STAU2: variants seen among roughly 807,000 people sequenced by gnomAD.
The protein encoded by STAU2 is double-stranded RNA-binding protein Staufen homolog 2.
In STAU2, 20 loss-of-function variants were observed where a neutral mutation model predicts 65.9. That is an observed-to-expected ratio of 0.30 (90% CI 0.21 to 0.44). The LOEUF is 0.44. STAU2 is among the 20% of genes least tolerant of loss of function. STAU2 has a pLI of 1.00. For synonymous variants in STAU2, 232 were observed against 233.9 expected, an observed-to-expected ratio of 0.99 and a Z score of 0.07; for missense variants, 558 against 683.9, an observed-to-expected ratio of 0.82 and a Z score of 2.05.
At chr8:73,572,739 G>T (rs1809202977) in intron 12 of STAU2, among the ~76,000 whole-genome samples, 1 of 152,126 alleles carries the variant, frequency 6.6e-6, no homozygotes, top group Non-Finnish European at 1.5e-5. Context: ...GTATTGATGG[G>T]ATGTATCTCA....
At chr8:73,657,803 C>T (rs1816495028) in intron 6 of STAU2, among the ~76,000 whole-genome samples, 1 of 151,994 alleles carries the variant, frequency 6.6e-6, no homozygotes, top group African/African-American at 2.4e-5. Flanking sequence ...CACCTGAGGT[C>T]AGGAGTTCAA....
intron 5 of STAU2, among the ~76,000 whole-genome samples, chr8:73,673,443 T>C (rs1453751377): frequency 6.6e-6 from 1 of 152,156 alleles, no homozygotes; most frequent in Non-Finnish European, 1.5e-5. Context: ...TTTTGCAATG[T>C]TTTCTGTACA....
chr8:73,577,927 G>A (rs763546327), intron 12 of STAU2, among the ~76,000 whole-genome samples: 39 of 151,848 alleles, frequency 2.6e-4, no homozygotes, highest in Non-Finnish European at 5.1e-4. Context: ...TGTGTCCTTT[G>A]CATATATTCA....
intron 3 of STAU2, among the ~76,000 whole-genome samples, chr8:73,721,287 CAAAAAAAA>C (rs35721754): frequency 5.2e-3 from 65 of 12,464 alleles, no homozygotes; most frequent in Non-Finnish European, 8.5e-3. Context: ...ACCCCACCTC[CAAAAAAAA>C]AAAAAAAAAA....
chr8:73,595,387 A>T (rs898493888), intron 10 of STAU2, 90 bp from the exon 11 acceptor site: 52 of 1,216,000 alleles, frequency 4.3e-5, no homozygotes, highest in Non-Finnish European at 5.3e-5. Flanking sequence ...TCTACTCTCT[A>T]GCATTTGAAA....
intron 13 of STAU2, among the ~76,000 whole-genome samples, chr8:73,534,311 A>G (rs572004835): frequency 6.6e-5 from 10 of 152,226 alleles, no homozygotes; most frequent in Non-Finnish European, 1.5e-4. Flanking sequence ...ACAAAGTTGT[A>G]CAAATAAAGA....
At chr8:73,462,258 T>C (rs1170813964) in intron 13 of STAU2, among the ~76,000 whole-genome samples, 1 of 151,812 alleles carries the variant, frequency 6.6e-6, no homozygotes, top group Non-Finnish European at 1.5e-5. Flanking sequence ...TTTTGTATTT[T>C]TTTTTCTTTT....
chr8:73,673,248 TAA>T lies in STAU2; in HGVS notation c.275-8_275-7del. On this transcript the variant is annotated splice_polypyrimidine_tract_variant and splice_region_variant and intron_variant, in intron 5 of 14. Coordinates refer to ENST00000524300, the MANE Select transcript of STAU2 (RefSeq NM_001164380.2). ...CACAGTTGGAGTTATACTGCCTGTT[TAA>T]AAAAAAAACATTAAAGGCACACAAG... 9 of 1,439,088 alleles carry T rather than the reference TAA, an allele frequency of 6.3e-6. No individual in the cohort carries two copies. Among genetic ancestry groups the T allele is most frequent in the East Asian group, 2.5e-5 (1 of 40,100 alleles). The allele number at this position is 1,439,088 out of a possible 1,614,324, so 89.1% of individuals were successfully genotyped here. A position where few individuals can be genotyped will look rare whatever the true frequency, so the allele number is the denominator to read the frequency against.
chr8:73,717,622 T>TTTG (rs75469180), intron 3 of STAU2, among the ~76,000 whole-genome samples: 16,964 of 150,084 alleles, frequency 0.11, 1,402 homozygotes, highest in African/African-American at 0.21. Context: ...CTATTTGTCT[T>TTTG]TTGTTGTTGT....
intron 11 of STAU2, 116 bp from the exon 12 acceptor site, chr8:73,582,946 T>C: frequency 1.2e-6 from 1 of 826,410 alleles, no homozygotes; most frequent in South Asian, 1.7e-5. Flanking sequence ...TTCTGCATAT[T>C]ATCTCTATCT....
intron 3 of STAU2, among the ~76,000 whole-genome samples, chr8:73,733,406 C>T (rs1806207351): frequency 1.3e-5 from 2 of 152,138 alleles, no homozygotes; most frequent in South Asian, 2.1e-4. Flanking sequence ...CATGTATCTT[C>T]GTAATTTATA....
intron 12 of STAU2, among the ~76,000 whole-genome samples, chr8:73,559,633 T>C (rs1158411740): frequency 1.3e-5 from 2 of 152,194 alleles, no homozygotes; most frequent in African/African-American, 4.8e-5. Flanking sequence ...TGGACCACCA[T>C]GGTCATGTCC....
rs1031949647 is a variant in STAU2, at chr8:73,595,232, A to G, written c.1095T>C (p.Ala365=). Residue 365 remains alanine, a synonymous_variant, in exon 11 of 15, where the codon GCT becomes GCC. Coordinates refer to ENST00000524300, the MANE Select transcript of STAU2 (RefSeq NM_001164380.2). ...CAAGTTGTAACAGCATTGCTTCTGC[A>G]GCATTTTTTTTGGCTATCTTTTTAT... The part of the protein sequence containing the change: ...GPNKKIAKKN[A]AEAMLLQLGY... 6.2e-7 allele frequency: 1 copy of G among 1,612,134 alleles called. No individual in the cohort carries two copies. The highest frequency in any genetic ancestry group is 8.5e-7 in the Non-Finnish European group (1 of 1,179,260).
intron 6 of STAU2, among the ~76,000 whole-genome samples, chr8:73,667,247 GGAATATTGCCAAA>G (rs1366713069): frequency 6.6e-6 from 1 of 151,856 alleles, no homozygotes; most frequent in African/African-American, 2.4e-5. Flanking sequence ...TCAAGTTTTA[GGAATATTGCCAAA>G]GCAATATTCC....
chr8:73,506,579 T>C lies in STAU2; in HGVS notation c.1530+45433A>G, dbSNP rs114852678. ...TCATCTGAGTCTTCAGAGTTGTAAT[T>C]GCTGGTGGAGGGTCTTGCATCAGTG... On this transcript the variant is annotated intron_variant, in intron 13 of 14. Transcript: ENST00000524300. 3.6e-3 allele frequency among the ~76,000 whole-genome samples: 541 copies of C among 152,314 alleles called. 2 individuals carry two copies. Among genetic ancestry groups the C allele is most frequent in the African/African-American group, 0.012 (514 of 41,578 alleles).
At chr8:73,530,140 A>G (rs751340374) in intron 13 of STAU2, among the ~76,000 whole-genome samples, 9 of 152,218 alleles carry the variant, frequency 5.9e-5, no homozygotes, top group Non-Finnish European at 8.8e-5. Context: ...TGAGGACTTC[A>G]TGGAACAGAA....
At chr8:73,560,714 GGAA>G (rs1808162179) in intron 12 of STAU2, among the ~76,000 whole-genome samples, 1 of 151,958 alleles carries the variant, frequency 6.6e-6, no homozygotes, top group Non-Finnish European at 1.5e-5. Flanking sequence ...ACCTCCAAGA[GGAA>G]GAAGGAGGAA....
intron 13 of STAU2, among the ~76,000 whole-genome samples, chr8:73,510,789 G>A (rs1292860567): frequency 6.6e-6 from 1 of 152,186 alleles, no homozygotes; most frequent in Non-Finnish European, 1.5e-5. Flanking sequence ...ACTGCCCCCA[G>A]GATTCAGTTA....
intron 4 of STAU2, among the ~76,000 whole-genome samples, chr8:73,692,211 T>C (rs61392195): frequency 0.22 from 32,977 of 150,696 alleles, 3,853 homozygotes; most frequent in East Asian, 0.36. Flanking sequence ...TTTTTTTTTT[T>C]CCCCGGAGAT....
Sources: gnomAD v4.1 joint callset for allele counts (sites outside exome capture counted in the v4.1 genomes callset) on GRCh38, gnomAD v4.1.1 for gene constraint, MANE v1.5 for transcripts, NCBI Gene and HGNC (gene_info 2026-07-23, HGNC 2026-07-21) for gene names.